PCGF5: variants seen among roughly 807,000 people sequenced by gnomAD.
PCGF5 encodes the protein polycomb group ring finger 5, also known as polycomb group RING finger protein 5.
In PCGF5, 9 loss-of-function variants were observed where a neutral mutation model predicts 44.3. That is an observed-to-expected ratio of 0.20 (90% CI 0.12 to 0.35). The LOEUF is 0.35. Among genes scored for constraint, PCGF5 ranks in the 10% least tolerant of loss-of-function variants. The probability of loss-of-function intolerance (pLI) is 1.00; values close to 1 mark genes in which losing one functional copy is unlikely to be tolerated. For missense variants in PCGF5, 146 were observed against 305.3 expected (o/e 0.48, Z 3.89); for synonymous variants, 95 against 102.5 (o/e 0.93, Z 0.44).
chr10:91,211,721 A>G (rs1844455714), intron 1 of PCGF5, among the ~76,000 whole-genome samples: 1 of 152,202 alleles, frequency 6.6e-6, no homozygotes, highest in African/African-American at 2.4e-5. Flanking sequence ...AGAGCATTCC[A>G]GTTAGTAGGG....
At chr10:91,249,501 A>G (rs1589395558) in intron 5 of PCGF5, among the ~76,000 whole-genome samples, 1 of 150,524 alleles carries the variant, frequency 6.6e-6, no homozygotes, top group Non-Finnish European at 1.5e-5. Flanking sequence ...GATTTAATTT[A>G]GGATGTCCTA....
At chr10:91,235,660 G>T (rs1446537406) in intron 2 of PCGF5, among the ~76,000 whole-genome samples, 1 of 152,168 alleles carries the variant, frequency 6.6e-6, no homozygotes, top group Non-Finnish European at 1.5e-5. Flanking sequence ...AACCCAGTGG[G>T]AGGTAATTGA....
At chr10:91,168,953 AAAAAAG>A (rs1843553408) in intron 1 of PCGF5, among the ~76,000 whole-genome samples, 1 of 148,138 alleles carries the variant, frequency 6.8e-6, no homozygotes, top group African/African-American at 2.5e-5. Flanking sequence ...AAAAAAAAAA[AAAAAAG>A]AAGGCTTGAT....
At chr10:91,239,928 A>G (rs1432261381) in intron 2 of PCGF5, among the ~76,000 whole-genome samples, 2 of 152,136 alleles carry the variant, frequency 1.3e-5, no homozygotes, top group Non-Finnish European at 2.9e-5. Context: ...CATTATTCAT[A>G]CTTCGTGCTC....
At chr10:91,164,046 C>T (rs770829675) in intron 1 of PCGF5, among the ~76,000 whole-genome samples, 1 of 152,240 alleles carries the variant, frequency 6.6e-6, no homozygotes, top group Non-Finnish European at 1.5e-5. Flanking sequence ...AACGTGTGGC[C>T]GTGAGCTCCA....
Position 91,279,707 on chromosome 10 carries a change from C to G in PCGF5, c.*1391C>G, listed in dbSNP as rs1846404192. On this transcript the variant is annotated 3_prime_UTR_variant, in exon 10 of 10. Transcript: ENST00000336126. ...TAACCTTTGAAACTTAGGAAAAAAT[C>G]TTGAAAGTTAGGAAAAATATTTGAG... is the stretch of plus-strand genomic sequence containing the variant. The G allele has an allele frequency of 6.6e-6, 1 of 152,080 alleles. No homozygotes were observed. Among genetic ancestry groups the G allele is most frequent in the Admixed American group, 6.5e-5 (1 of 15,272 alleles). 9.4% of individuals were successfully genotyped at this position (152,080 alleles called of 1,614,324 possible). A position where few individuals can be genotyped will look rare whatever the true frequency, so the allele number is the denominator to read the frequency against.
At position 91,279,697 on chromosome 10, in the gene PCGF5, A is replaced by G. The variant is rs1846403957; in HGVS notation, c.*1381A>G. On this transcript the variant is annotated 3_prime_UTR_variant, in exon 10 of 10. Transcript: ENST00000336126. ...ACAAACAAGCTAACCTTTGAAACTTAGGAAAAAATCTTGAAAGTTAGGAAA... is the reference window on the plus strand; with the variant it reads ...ACAAACAAGCTAACCTTTGAAACTTGGGAAAAAATCTTGAAAGTTAGGAAA... The G allele has an allele frequency of 6.6e-6, 1 of 152,164 alleles. No homozygotes were observed. The highest frequency in any genetic ancestry group is 1.5e-5 in the Non-Finnish European group (1 of 67,964). 9.4% of individuals were successfully genotyped at this position (152,164 alleles called of 1,614,324 possible).
intron 8 of PCGF5, among the ~76,000 whole-genome samples, chr10:91,266,988 GC>G (rs1276193623): frequency 4.6e-5 from 7 of 152,042 alleles, no homozygotes; most frequent in African/African-American, 1.4e-4. Context: ...GTTAGAACAT[GC>G]CCACTCCGTT....
At chr10:91,228,975 T>TATAA (rs1295923607) in intron 2 of PCGF5, among the ~76,000 whole-genome samples, 18 of 152,246 alleles carry the variant, frequency 1.2e-4, no homozygotes, top group African/African-American at 4.3e-4. Context: ...ATCAGACATT[T>TATAA]ATAATACTAG....
intron 1 of PCGF5, among the ~76,000 whole-genome samples, chr10:91,179,069 A>AGGAGCTAG (rs1843770638): frequency 1.3e-5 from 2 of 152,252 alleles, no homozygotes; most frequent in Admixed American, 6.5e-5. Flanking sequence ...GCTTCTGATA[A>AGGAGCTAG]GGAGCTAGGG....
intron 1 of PCGF5, among the ~76,000 whole-genome samples, chr10:91,177,883 G>T (rs754567298): frequency 6.6e-6 from 1 of 152,170 alleles, no homozygotes; most frequent in Non-Finnish European, 1.5e-5. Context: ...CCCTGCTTCA[G>T]CTCACACTTG....
chr10:91,219,910 C>G (rs1270666354), upstream of PCGF5, among the ~76,000 whole-genome samples: 1 of 152,100 alleles, frequency 6.6e-6, no homozygotes, highest in Non-Finnish European at 1.5e-5. Flanking sequence ...TAACGCCTAT[C>G]AGTTGGAGAA....
upstream of PCGF5, among the ~76,000 whole-genome samples, chr10:91,216,352 G>C (rs1027347251): frequency 4.6e-5 from 7 of 152,182 alleles, no homozygotes; most frequent in African/African-American, 1.7e-4. Context: ...TAAAGACAGG[G>C]TGGTCATTTG....
intron 1 of PCGF5, among the ~76,000 whole-genome samples, chr10:91,199,439 C>T (rs1844205783): frequency 6.6e-6 from 1 of 152,202 alleles, no homozygotes; most frequent in Non-Finnish European, 1.5e-5. Context: ...TCCAGCATCC[C>T]TCAGTCCTTG....
chr10:91,165,357 A>G (rs1375964812), intron 1 of PCGF5, among the ~76,000 whole-genome samples: 2 of 152,248 alleles, frequency 1.3e-5, no homozygotes, highest in Non-Finnish European at 2.9e-5. Context: ...AAATGGAATC[A>G]GCAAAGTCAA....
chr10:91,171,422 A>G (rs961264775), intron 1 of PCGF5, among the ~76,000 whole-genome samples: 2 of 152,086 alleles, frequency 1.3e-5, no homozygotes, highest in African/African-American at 2.4e-5. Flanking sequence ...CGCAGTGGGG[A>G]GCCAAAGGTG....
upstream of PCGF5, among the ~76,000 whole-genome samples, chr10:91,218,805 G>A (rs911465121): frequency 2.0e-5 from 3 of 151,702 alleles, no homozygotes; most frequent in African/African-American, 7.3e-5. Flanking sequence ...GCTGATTTTT[G>A]TTTTAGTAGA....
rs369899767 is a variant in PCGF5 at position 91,251,325 on chromosome 10, A to G, written c.359A>G (p.Asp120Gly). 4.3e-6 allele frequency: 7 copies of G among 1,610,262 alleles called. No homozygotes were observed. The African/African-American group carries it at 9.4e-5, about 22-fold the overall frequency. The change falls in exon 6 of 10, where the codon GAT (aspartate) becomes GGT (glycine). Residue 120 changes from aspartate (D) to glycine (G), a missense_variant. Physicochemically the swap from Asp to Gly is moderately conservative, Grantham distance 94. Coordinates refer to ENST00000336126, the MANE Select transcript of PCGF5 (RefSeq NM_032373.5). ...DTSKADKPKVDEEGDENEDDK... is the reference protein window; with the variant it reads ...DTSKADKPKVGEEGDENEDDK... ...TCAAAAGCTGACAAACCGAAAGTAG[A>G]TGAAGAAGGTGATGAAAATGAAGAT...
At chr10:91,231,870 G>A (rs1443236134) in intron 2 of PCGF5, among the ~76,000 whole-genome samples, 3 of 152,146 alleles carry the variant, frequency 2.0e-5, no homozygotes, top group African/African-American at 7.2e-5. Context: ...ATCTTGATAG[G>A]TTTTGAAGGT....
Sources: allele counts gnomAD v4.1 joint callset (sites outside exome capture counted in the v4.1 genomes callset), GRCh38; gene constraint gnomAD v4.1.1; transcripts MANE v1.5; gene names NCBI Gene and HGNC (gene_info 2026-07-23, HGNC 2026-07-21).